Variants in DLGAP2 observed in about 807,000 individuals in gnomAD.
The protein encoded by DLGAP2 is DLG associated protein 2, also known as disks large-associated protein 2.
Under a neutral mutation model 100.3 loss-of-function variants are expected in DLGAP2, and 26 were observed. The ratio of observed to expected loss-of-function variants is 0.26; its 90% CI spans 0.19 to 0.36. The LOEUF is 0.36. Among genes scored for constraint, DLGAP2 ranks in the 10% least tolerant of loss-of-function variants. The pLI, the probability that DLGAP2 is intolerant of heterozygous loss-of-function variation, is 1.00. For synonymous variants in DLGAP2, 886 were observed against 630.1 expected, an observed-to-expected ratio of 1.41 and a Z score of -6.08; for missense variants, 1,858 against 1,453.2, an observed-to-expected ratio of 1.28 and a Z score of -4.53.
At chr8:1,341,927 T>A (rs1046107640) in intron 3 of DLGAP2, among the ~76,000 whole-genome samples, 3 of 152,158 alleles carry the variant, frequency 2.0e-5, no homozygotes, top group African/African-American at 7.2e-5. Flanking sequence ...GGTTTTGTTT[T>A]GTTGTGTTTG....
At chr8:1,272,933 G>A (rs950838868) in intron 3 of DLGAP2, among the ~76,000 whole-genome samples, 1 of 152,160 alleles carries the variant, frequency 6.6e-6, no homozygotes, top group East Asian at 1.9e-4. Context: ...GGTGAAAAGA[G>A]GAGCTTCTGT....
chr8:1,152,111 G>A (rs1397229784), intron 2 of DLGAP2, among the ~76,000 whole-genome samples: 1 of 152,142 alleles, frequency 6.6e-6, no homozygotes, highest in East Asian at 1.9e-4. Flanking sequence ...CACAGTATGT[G>A]TTCAAATATT....
chr8:752,051 C>G (rs530005092), intron 1 of DLGAP2, among the ~76,000 whole-genome samples: 72 of 152,242 alleles, frequency 4.7e-4, no homozygotes, highest in Non-Finnish European at 9.6e-4. Context: ...CTCCAGGGCT[C>G]TGGTGTGGCC....
Position 1,137,985 on chromosome 8 carries a change from C to T in DLGAP2, c.74-120866C>T, listed in dbSNP as rs1025391962. On this transcript the variant is annotated intron_variant, in intron 2 of 14. Transcript: ENST00000637795. Reference sequence around the variant, plus strand: ...CTCCTGGCCTCAAGCAATCCACCCGCCTCAGCCTCCCATCATGTAGGATTA... The same window carrying T: ...CTCCTGGCCTCAAGCAATCCACCCGTCTCAGCCTCCCATCATGTAGGATTA... 3.9e-5 allele frequency among the ~76,000 whole-genome samples: 6 copies of T among 152,266 alleles called. No homozygotes were observed. In the South Asian group the frequency reaches 8.3e-4, roughly 21 times the overall value.
chr8:869,107 C>G (rs951241996), intron 1 of DLGAP2, among the ~76,000 whole-genome samples: 1 of 152,180 alleles, frequency 6.6e-6, no homozygotes, highest in African/African-American at 2.4e-5. Flanking sequence ...TCCTCTCCTC[C>G]TCGAGACCCT....
chr8:1,192,270 C>G (rs988021559), intron 2 of DLGAP2, among the ~76,000 whole-genome samples: 1 of 152,168 alleles, frequency 6.6e-6, no homozygotes, highest in Non-Finnish European at 1.5e-5. Context: ...CCCTTGTTTT[C>G]AAGTACTTAT....
chr8:1,263,002 AT>A (rs1284588851), intron 3 of DLGAP2, among the ~76,000 whole-genome samples: 8 of 152,288 alleles, frequency 5.3e-5, no homozygotes, highest in African/African-American at 1.7e-4. Flanking sequence ...GGGAGAATGT[AT>A]TTGAAATCCA....
chr8:746,411 C>T (rs900603934), intron 1 of DLGAP2, among the ~76,000 whole-genome samples: 4 of 152,344 alleles, frequency 2.6e-5, no homozygotes, highest in East Asian at 1.9e-4. Flanking sequence ...GGTCAGATGG[C>T]GCATTGGATC....
chr8:1,102,672 G>T (rs12546596), intron 2 of DLGAP2, among the ~76,000 whole-genome samples: 14,519 of 152,224 alleles, frequency 0.095, 823 homozygotes, highest in East Asian at 0.22. Flanking sequence ...TGTGGCAAGG[G>T]AGCCTGTGAA....
chr8:1,483,200 G>T (rs1340599551), intron 3 of DLGAP2, among the ~76,000 whole-genome samples: 3 of 152,186 alleles, frequency 2.0e-5, no homozygotes, highest in Non-Finnish European at 4.4e-5. Flanking sequence ...GCCCTGAGGG[G>T]TCCAGGGAGT....
chr8:1,279,398 T>C (rs1346685629), intron 3 of DLGAP2, among the ~76,000 whole-genome samples: 1 of 152,222 alleles, frequency 6.6e-6, no homozygotes, highest in African/African-American at 2.4e-5. Context: ...CTGTCTTAAT[T>C]GATTTTACCA....
chr8:945,580 G>C (rs893278497), intron 2 of DLGAP2, among the ~76,000 whole-genome samples: 1 of 152,148 alleles, frequency 6.6e-6, no homozygotes, highest in African/African-American at 2.4e-5. Flanking sequence ...CCGGAGAACA[G>C]CTAAAAACGC....
At chr8:1,669,599 G>A in intron 9 of DLGAP2, 144 bp from the exon 10 acceptor site, 4 of 681,990 alleles carry the variant, frequency 5.9e-6, no homozygotes, top group Non-Finnish European at 1.1e-5. Flanking sequence ...GCGGCCCAGG[G>A]AGGAGGGTGA....
intron 1 of DLGAP2, among the ~76,000 whole-genome samples, chr8:850,131 G>A (rs377486748): frequency 6.6e-6 from 1 of 151,648 alleles, no homozygotes; most frequent in Non-Finnish European, 1.5e-5. Context: ...CTGTATTCTG[G>A]GTCTGAGTCC....
intron 4 of DLGAP2, among the ~76,000 whole-genome samples, chr8:1,511,579 A>G (rs1381486393): frequency 6.6e-6 from 1 of 151,730 alleles, no homozygotes; most frequent in Non-Finnish European, 1.5e-5. Context: ...AGTGTAAGAC[A>G]GTCAATAGAT....
intron 2 of DLGAP2, among the ~76,000 whole-genome samples, chr8:946,486 A>G (rs183357123): frequency 2.0e-5 from 3 of 151,944 alleles, no homozygotes; most frequent in Admixed American, 1.3e-4. Context: ...GATGGTCTCG[A>G]TCTCCTGACC....
chr8:862,256 TG>T (rs1381463147), intron 1 of DLGAP2, among the ~76,000 whole-genome samples: 1 of 151,476 alleles, frequency 6.6e-6, no homozygotes, highest in Non-Finnish European at 1.5e-5. Flanking sequence ...TTTTCTCAGG[TG>T]TCTTGGAGCG....
chr8:1,328,543 G>T (rs899170754), intron 3 of DLGAP2, among the ~76,000 whole-genome samples: 2 of 150,590 alleles, frequency 1.3e-5, no homozygotes, highest in African/African-American at 4.9e-5. Context: ...TAGAGACAGG[G>T]TTTCACCATG....
chr8:837,686 G>GTGTA (rs1554430456), intron 1 of DLGAP2, among the ~76,000 whole-genome samples: 39 of 148,980 alleles, frequency 2.6e-4, no homozygotes, highest in Non-Finnish European at 3.1e-4. Flanking sequence ...GTGTGTGTGT[G>GTGTA]TATATAATAT....
Sources: gnomAD v4.1 joint callset for allele counts (sites outside exome capture counted in the v4.1 genomes callset) on GRCh38, gnomAD v4.1.1 for gene constraint, MANE v1.5 for transcripts, NCBI Gene and HGNC (gene_info 2026-07-23, HGNC 2026-07-21) for gene names.